Variants in TSPAN5 observed in about 807,000 individuals in gnomAD.
TSPAN5 encodes the protein tetraspanin 5, also known as tetraspanin-5.
Under a neutral mutation model 37.1 loss-of-function variants are expected in TSPAN5, and 10 were observed. The observed-to-expected ratio is 0.27, with a 90% CI of 0.17 to 0.46. TSPAN5 has a LOEUF of 0.46. Ranked by LOEUF, TSPAN5 falls within the 20% of genes least tolerant of loss-of-function variation. The probability of loss-of-function intolerance (pLI) is 1.00; values close to 1 mark genes in which losing one functional copy is unlikely to be tolerated. For synonymous variants in TSPAN5, 110 were observed against 118.9 expected, an observed-to-expected ratio of 0.93 and a Z score of 0.48; for missense variants, 195 against 326.6, an observed-to-expected ratio of 0.60 and a Z score of 3.11.
At chr4:98,617,758 G>A (rs969347560) in intron 1 of TSPAN5, among the ~76,000 whole-genome samples, 1 of 152,144 alleles carries the variant, frequency 6.6e-6, no homozygotes, top group Non-Finnish European at 1.5e-5. Flanking sequence ...CAAACCATAG[G>A]AAGCCAAAGC....
chr4:98,507,357 T>C (rs1399071482), intron 2 of TSPAN5, among the ~76,000 whole-genome samples: 1 of 152,226 alleles, frequency 6.6e-6, no homozygotes, highest in African/African-American at 2.4e-5. Flanking sequence ...ATATTTATAA[T>C]CATTACTGGA....
At chr4:98,506,771 A>C (rs1233776307) in intron 2 of TSPAN5, among the ~76,000 whole-genome samples, 1 of 152,148 alleles carries the variant, frequency 6.6e-6, no homozygotes, top group East Asian at 1.9e-4. Flanking sequence ...CATTCTATAC[A>C]TCCCCTTGTC....
Position 98,478,799 on chromosome 4 carries a change from A to G in TSPAN5, c.462T>C (p.Cys154=). Residue 154 remains cysteine (C), a synonymous_variant, in exon 5 of 8, where the codon TGT becomes TGC. Transcript: ENST00000305798. ...IDFTQEYWQC[C]GAFGADDWNL... is the part of the protein sequence containing the mutation. Reference sequence around the variant, plus strand: ...TCCAATCATCAGCTCCAAAAGCCCCACAGCACTGCCACTAGAGCAAACAGG... The same window carrying G: ...TCCAATCATCAGCTCCAAAAGCCCCGCAGCACTGCCACTAGAGCAAACAGG... 2.5e-6 allele frequency: 4 copies of G among 1,613,934 alleles called. No homozygotes were observed. The East Asian group carries it at 8.9e-5, about 36-fold the overall frequency.
intron 1 of TSPAN5, among the ~76,000 whole-genome samples, chr4:98,543,872 C>G (rs1384209912): frequency 6.6e-6 from 1 of 151,796 alleles, no homozygotes; most frequent in Admixed American, 6.6e-5. Flanking sequence ...TATTAGATCA[C>G]AATATTGGGC....
chr4:98,627,435 C>T (rs1219018924), intron 1 of TSPAN5, among the ~76,000 whole-genome samples: 1 of 151,766 alleles, frequency 6.6e-6, no homozygotes, highest in East Asian at 1.9e-4. Context: ...ACAAAAGGAA[C>T]CAGAATAACA....
chr4:98,631,639 GTGT>G (rs1397471374), intron 1 of TSPAN5, among the ~76,000 whole-genome samples: 1 of 152,162 alleles, frequency 6.6e-6, no homozygotes, highest in African/African-American at 2.4e-5. Flanking sequence ...GGGCTCTTTA[GTGT>G]TGTTCTGTTT....
intron 1 of TSPAN5, among the ~76,000 whole-genome samples, chr4:98,611,482 T>C (rs1756188530): frequency 6.6e-6 from 1 of 152,178 alleles, no homozygotes; most frequent in African/African-American, 2.4e-5. Context: ...CATACCAGAA[T>C]ATTACTATTT....
At chr4:98,638,473 C>T (rs1579048337) in intron 1 of TSPAN5, among the ~76,000 whole-genome samples, 1 of 152,330 alleles carries the variant, frequency 6.6e-6, no homozygotes, top group East Asian at 1.9e-4. Context: ...CATCTGAACG[C>T]ATTTAACTGG....
At chr4:98,515,869 A>G (rs1753717357) in intron 1 of TSPAN5, among the ~76,000 whole-genome samples, 1 of 152,160 alleles carries the variant, frequency 6.6e-6, no homozygotes, top group African/African-American at 2.4e-5. Context: ...TTTCTTAGCA[A>G]CCTAGTTCAT....
At chr4:98,535,971 T>G (rs1754223254) in intron 1 of TSPAN5, among the ~76,000 whole-genome samples, 1 of 152,214 alleles carries the variant, frequency 6.6e-6, no homozygotes, top group Admixed American at 6.5e-5. Flanking sequence ...TTGCATTGGG[T>G]TAGAGCATGC....
chr4:98,600,030 G>A (rs943863179), intron 1 of TSPAN5, among the ~76,000 whole-genome samples: 4 of 151,946 alleles, frequency 2.6e-5, no homozygotes, highest in African/African-American at 9.7e-5. Flanking sequence ...GGCAAATATT[G>A]CAATAAAGCG....
chr4:98,486,811 C>T lies in TSPAN5; in HGVS notation c.206G>A (p.Gly69Glu). Reference sequence around the variant, plus strand: ...AAATCCCAAAATGAACATCACTCCTCCCACCACAAGGAAGAGCCAAACTGG... The same window carrying T: ...AAATCCCAAAATGAACATCACTCCTTCCACCACAAGGAAGAGCCAAACTGG... ...FDPVWLFLVV[G>E]GVMFILGFAG... is the part of the protein sequence containing the mutation. The change falls in exon 3 of 8, where the codon GGA becomes GAA. Residue 69 changes from glycine to glutamate, a missense_variant. Coordinates refer to ENST00000305798, the MANE Select transcript of TSPAN5 (RefSeq NM_005723.4). 6.2e-7 allele frequency: 1 copy of T among 1,614,090 alleles called. No individual in the cohort carries two copies. Among genetic ancestry groups the T allele is most frequent in the East Asian group, 2.2e-5 (1 of 44,874 alleles).
At chr4:98,559,071 A>G (rs938920426) in intron 1 of TSPAN5, among the ~76,000 whole-genome samples, 1 of 152,164 alleles carries the variant, frequency 6.6e-6, no homozygotes, top group Non-Finnish European at 1.5e-5. Flanking sequence ...TCTGGCTTGC[A>G]TGTTCCCTTC....
chr4:98,607,712 A>AT (rs199535963), intron 1 of TSPAN5, among the ~76,000 whole-genome samples: 14,066 of 145,298 alleles, frequency 0.097, 1,122 homozygotes, highest in Admixed American at 0.19. Context: ...CTTAAATGAA[A>AT]TTTTTTTTTT....
At chr4:98,569,010 T>C (rs1755064701) in intron 1 of TSPAN5, among the ~76,000 whole-genome samples, 3 of 152,176 alleles carry the variant, frequency 2.0e-5, no homozygotes, top group Admixed American at 2.0e-4. Context: ...TGGAGAAGGA[T>C]GCAGGCAGCT....
intron 1 of TSPAN5, among the ~76,000 whole-genome samples, chr4:98,509,392 A>G (rs986747417): frequency 1.5e-4 from 23 of 152,360 alleles, no homozygotes; most frequent in Middle Eastern, 3.4e-3. Context: ...GACAGATGGC[A>G]GGAGCAGAAA....
At chr4:98,635,643 A>C (rs1398262463) in intron 1 of TSPAN5, among the ~76,000 whole-genome samples, 1 of 152,188 alleles carries the variant, frequency 6.6e-6, no homozygotes. Flanking sequence ...TAAGGTGCTG[A>C]ACGGGGGAAA....
intron 1 of TSPAN5, among the ~76,000 whole-genome samples, chr4:98,551,098 A>C (rs1218386091): frequency 6.6e-6 from 1 of 151,994 alleles, no homozygotes; most frequent in East Asian, 1.9e-4. Flanking sequence ...GAGATGCTGA[A>C]TTTTACTGAA....
chr4:98,624,428 G>GA (rs969667693), intron 1 of TSPAN5, among the ~76,000 whole-genome samples: 8 of 150,516 alleles, frequency 5.3e-5, no homozygotes, highest in East Asian at 3.9e-4. Flanking sequence ...TTTCCCAGAG[G>GA]AAAAAAAAAT....
Sources: allele counts gnomAD v4.1 joint callset (sites outside exome capture counted in the v4.1 genomes callset), GRCh38; gene constraint gnomAD v4.1.1; transcripts MANE v1.5; gene names NCBI Gene and HGNC (gene_info 2026-07-23, HGNC 2026-07-21).